The following CYP2C19 variants were observed in gnomAD, a reference collection of about 807,000 sequenced individuals.
CYP2C19 encodes cytochrome P450 family 2 subfamily C member 19.
Under a neutral mutation model 40.9 loss-of-function variants are expected in CYP2C19, and 59 were observed. That is an observed-to-expected ratio of 1.44 (90% CI 1.17 to 1.79). The LOEUF is 1.79. CYP2C19 is among the 40% of genes most tolerant of loss of function. The pLI is 0.00. For synonymous variants in CYP2C19, 253 were observed against 208.7 expected (o/e 1.21, Z -1.83); for missense variants, 754 against 596.9 (o/e 1.26, Z -2.74).
intron 6 of CYP2C19, among the ~76,000 whole-genome samples, chr10:94,830,139 C>A (rs1036447977): frequency 6.6e-6 from 1 of 152,222 alleles, no homozygotes; most frequent in Admixed American, 6.5e-5. Flanking sequence ...AGAGGTGGAG[C>A]CTACAGAGGC....
At chr10:94,816,111 A>G (rs1433651790) in intron 5 of CYP2C19, among the ~76,000 whole-genome samples, 4 of 152,134 alleles carry the variant, frequency 2.6e-5, no homozygotes, top group Non-Finnish European at 5.9e-5. Flanking sequence ...GCCAAAAAAT[A>G]TGCTGTGTGA....
chr10:94,820,632 T>A lies in CYP2C19; in HGVS notation c.956T>A (p.Val319Asp). 1 of 1,614,052 alleles carries A rather than the reference T, an allele frequency of 6.2e-7. No homozygotes were observed. The highest frequency in any genetic ancestry group is 8.5e-7 in the Non-Finnish European group (1 of 1,179,982). ...ALLLLLKHPE[V>D]TAKVQEEIER... ...CTTCTCCTGCTGAAGCACCCAGAGG[T>A]CACAGGTATGATCACAGAGGATGAG... The change falls in exon 6 of 9, where the codon GTC becomes GAC. Residue 319 changes from valine to aspartate, a missense_variant. Transcript: ENST00000371321.
intron 5 of CYP2C19, among the ~76,000 whole-genome samples, chr10:94,783,861 TTGCATTAAATC>T (rs1848507762): frequency 6.6e-6 from 1 of 152,198 alleles, no homozygotes; most frequent in African/African-American, 2.4e-5. Flanking sequence ...TTTGACAGGA[TTGCATTAAATC>T]TGTAGAACAG....
chr10:94,798,542 T>C (rs901802596), intron 5 of CYP2C19, among the ~76,000 whole-genome samples: 1 of 152,144 alleles, frequency 6.6e-6, no homozygotes, highest in Non-Finnish European at 1.5e-5. Flanking sequence ...GATCTGGATA[T>C]CTTTGTTAAC....
intron 6 of CYP2C19, among the ~76,000 whole-genome samples, chr10:94,835,468 T>G (rs1467191740): frequency 1.3e-5 from 2 of 152,208 alleles, no homozygotes; most frequent in African/African-American, 4.8e-5. Flanking sequence ...TGGGGCTTGG[T>G]TTCCCGGAGG....
chr10:94,795,899 G>A (rs904300548), intron 5 of CYP2C19, among the ~76,000 whole-genome samples: 1 of 151,854 alleles, frequency 6.6e-6, no homozygotes, highest in Admixed American at 6.6e-5. Context: ...TTGATATTAG[G>A]CCTTTGTCAG....
At chr10:94,836,974 G>A (rs1216177989) in intron 6 of CYP2C19, among the ~76,000 whole-genome samples, 6 of 152,202 alleles carry the variant, frequency 3.9e-5, no homozygotes, top group Non-Finnish European at 8.8e-5. Context: ...CAGTCCAGGT[G>A]AGTTGAGATG....
chr10:94,850,840 G>T (rs1011268012), intron 8 of CYP2C19, among the ~76,000 whole-genome samples: 1 of 152,120 alleles, frequency 6.6e-6, no homozygotes, highest in East Asian at 1.9e-4. Flanking sequence ...AATGTAGCAG[G>T]ATACTCTGCA....
chr10:94,821,907 C>A (rs560319329), intron 6 of CYP2C19, among the ~76,000 whole-genome samples: 1 of 152,038 alleles, frequency 6.6e-6, no homozygotes, highest in African/African-American at 2.4e-5. Context: ...AAGCATAGTA[C>A]CCAACAGATG....
At chr10:94,841,294 C>G (rs1470959551) in intron 6 of CYP2C19, among the ~76,000 whole-genome samples, 2 of 152,148 alleles carry the variant, frequency 1.3e-5, no homozygotes, top group Non-Finnish European at 2.9e-5. Flanking sequence ...AGATTTTAGC[C>G]CTATCGGGAA....
At chr10:94,766,714 A>G (rs1189469667) in intron 1 of CYP2C19, among the ~76,000 whole-genome samples, 1 of 152,072 alleles carries the variant, frequency 6.6e-6, no homozygotes, top group Non-Finnish European at 1.5e-5. Flanking sequence ...CAAGTCCTCC[A>G]ACAGTTCGCA....
chr10:94,776,694 A>G (rs1848411518), intron 3 of CYP2C19, among the ~76,000 whole-genome samples: 1 of 152,186 alleles, frequency 6.6e-6, no homozygotes, highest in Admixed American at 6.5e-5. Context: ...AGCCAATATC[A>G]TATTTAATGG....
At chr10:94,816,595 T>C (rs949066058) in intron 5 of CYP2C19, among the ~76,000 whole-genome samples, 3 of 152,004 alleles carry the variant, frequency 2.0e-5, no homozygotes, top group African/African-American at 4.8e-5. Context: ...TTTTTTATTA[T>C]ACTTTAAGTT....
chr10:94,788,472 G>A (rs989294982), intron 5 of CYP2C19, among the ~76,000 whole-genome samples: 5 of 151,994 alleles, frequency 3.3e-5, no homozygotes, highest in East Asian at 1.9e-4. Context: ...AGGTATATAC[G>A]CACCATGGTG....
chr10:94,765,822 G>A (rs1848233104), intron 1 of CYP2C19, among the ~76,000 whole-genome samples: 1 of 152,096 alleles, frequency 6.6e-6, no homozygotes, highest in Non-Finnish European at 1.5e-5. Context: ...TGATCAGTTG[G>A]GGCTTGAAGT....
chr10:94,848,538 T>C (rs1371584955), intron 7 of CYP2C19, among the ~76,000 whole-genome samples: 4 of 152,202 alleles, frequency 2.6e-5, no homozygotes, highest in Non-Finnish European at 5.9e-5. Flanking sequence ...TTCTTTTGGC[T>C]TAGGATTGAC....
At chr10:94,782,098 A>C in intron 5 of CYP2C19, 101 bp downstream of exon 5, 2 of 908,592 alleles carry the variant, frequency 2.2e-6, no homozygotes, top group Non-Finnish European at 3.2e-6. Context: ...TCAAGGAGTA[A>C]TGCTTGAGAA....
intron 1 of CYP2C19, among the ~76,000 whole-genome samples, chr10:94,764,447 G>T (rs1255590563): frequency 1.3e-5 from 2 of 152,142 alleles, no homozygotes; most frequent in African/African-American, 4.8e-5. Context: ...TGATTGGTGT[G>T]TTTACAATCC....
At chr10:94,833,275 G>T (rs1400022193) in intron 6 of CYP2C19, among the ~76,000 whole-genome samples, 3 of 152,054 alleles carry the variant, frequency 2.0e-5, no homozygotes, top group African/African-American at 7.2e-5. Flanking sequence ...GATTGCTCTT[G>T]CTAGGTCATC....
Sources: gnomAD v4.1 joint callset for allele counts (sites outside exome capture counted in the v4.1 genomes callset) on GRCh38, gnomAD v4.1.1 for gene constraint, MANE v1.5 for transcripts, NCBI Gene and HGNC (gene_info 2026-07-23, HGNC 2026-07-21) for gene names.